TTLL11: variants seen among roughly 807,000 people sequenced by gnomAD.
The protein encoded by TTLL11 is tubulin tyrosine ligase like 11, also known as tubulin polyglutamylase TTLL11.
Under a neutral mutation model 51.7 loss-of-function variants are expected in TTLL11, and 42 were observed. The ratio of observed to expected loss-of-function variants is 0.81; its 90% CI spans 0.64 to 1.05. The LOEUF is 1.05. Among genes scored for constraint, TTLL11 ranks in the 50% least tolerant of loss-of-function variants. The pLI is 0.00. For missense variants in TTLL11, 799 were observed against 940.4 expected (o/e 0.85, Z 1.97); for synonymous variants, 381 against 383.5 (o/e 0.99, Z 0.08).
chr9:122,049,331 C>T (rs891242720), intron 1 of TTLL11, among the ~76,000 whole-genome samples: 1 of 152,154 alleles, frequency 6.6e-6, no homozygotes, highest in African/African-American at 2.4e-5. Flanking sequence ...ACTATTAACC[C>T]TATTTGCAAA....
In TTLL11 at chr9:122,092,887, G is replaced by T; in HGVS notation, c.262C>A (p.Leu88Met). 1.3e-6 allele frequency: 2 copies of T among 1,568,696 alleles called. No individual in the cohort carries two copies. Among genetic ancestry groups the T allele is most frequent in the African/African-American group, 1.4e-5 (1 of 73,886 alleles). The change falls in exon 1 of 9, where the codon CTG (leucine) becomes ATG (methionine). Residue 88 changes from leucine to methionine, a missense_variant. Leu to Met is a conservative substitution (Grantham distance 15, BLOSUM62 2). Transcript: ENST00000321582. ...TQVLQRPPPTLPPSKPKPVQG... is the reference protein window; with the variant it reads ...TQVLQRPPPTMPPSKPKPVQG... ...ACCGGCTTCGGCTTGGACGGGGGCA[G>T]CGTGGGCGGCGGCCGCTGAAGGACC...
At chr9:121,881,254 T>C (rs568590053) in intron 6 of TTLL11, among the ~76,000 whole-genome samples, 27 of 152,336 alleles carry the variant, frequency 1.8e-4, no homozygotes, top group Middle Eastern at 3.4e-3. Context: ...CACAGTTCTG[T>C]ACCAAAGTAT....
In TTLL11 at chr9:122,014,228, G is replaced by C. The variant is rs151318489; in HGVS notation, c.693+17495C>G. Among the ~76,000 whole-genome samples, 9 of 152,244 alleles carry C rather than the reference G, an allele frequency of 5.9e-5. No homozygotes were observed. In the East Asian group the frequency reaches 1.7e-3, roughly 29 times the overall value. On this transcript the variant is annotated intron_variant, in intron 3 of 8. Transcript: ENST00000321582. ...AAAAATACAAAAATTAGCTGGGCAT[G>C]GTGGCGCAGGCCTGTAATCTCAGCT...
intron 2 of TTLL11, 83 bp downstream of exon 2, chr9:122,039,189 A>G: frequency 8.5e-7 from 1 of 1,172,124 alleles, no homozygotes; most frequent in Non-Finnish European, 1.3e-6. Flanking sequence ...GATCTCAAAA[A>G]TAACTGTCAT....
intron 2 of TTLL11, among the ~76,000 whole-genome samples, chr9:122,036,794 A>G (rs1244639370): frequency 6.6e-6 from 1 of 152,200 alleles, no homozygotes; most frequent in East Asian, 1.9e-4. Flanking sequence ...ACAAACTGGT[A>G]TCAGAGGCCA....
Position 121,853,813 on chromosome 9 carries a change from G to A in TTLL11, c.1840+6524C>T, listed in dbSNP as rs62574488. 1.4e-4 allele frequency among the ~76,000 whole-genome samples: 21 copies of A among 152,324 alleles called. No homozygotes were observed. Among genetic ancestry groups the A allele is most frequent in the Non-Finnish European group, 1.8e-4 (12 of 68,028 alleles). ...CCAAGGGAGAGTCTGTTGCGGCCACGTCCTGACCCTCTCATCTGGCTGTGA... is the reference window on the plus strand; with the variant it reads ...CCAAGGGAGAGTCTGTTGCGGCCACATCCTGACCCTCTCATCTGGCTGTGA... On this transcript the variant is annotated intron_variant, in intron 8 of 8. Transcript: ENST00000321582. This position sits in a 1 kb window ranked among gnomAD's most constrained non-coding sequence, Gnocchi z 5.6.
chr9:121,833,700 C>T (rs1445202908), intron 8 of TTLL11, among the ~76,000 whole-genome samples: 4 of 152,166 alleles, frequency 2.6e-5, no homozygotes, highest in South Asian at 2.1e-4. Flanking sequence ...CAAGCCCACA[C>T]TCTTTTTTCT....
chr9:121,870,344 T>A (rs544856212), intron 7 of TTLL11, among the ~76,000 whole-genome samples, 153 bp downstream of exon 7: 2 of 152,106 alleles, frequency 1.3e-5, no homozygotes, highest in Non-Finnish European at 1.5e-5. Flanking sequence ...GATTCTACCA[T>A]GTGCCAGCCA....
At chr9:121,884,748 GAC>G (rs1231251222) in intron 6 of TTLL11, 1 of 152,186 alleles carries the variant, frequency 6.6e-6, no homozygotes. Flanking sequence ...TCTCAGCTAT[GAC>G]ACAGAGACAG....
At chr9:121,983,063 G>T (rs1360008297) in intron 4 of TTLL11, among the ~76,000 whole-genome samples, 1 of 152,230 alleles carries the variant, frequency 6.6e-6, no homozygotes, top group Non-Finnish European at 1.5e-5. Flanking sequence ...AGTGCGAGGT[G>T]ATGGCTGCCT....
At chr9:121,823,016 A>C in intron 8 of TTLL11, 137 bp from the exon 9 acceptor site, 1 of 1,044,778 alleles carries the variant, frequency 9.6e-7, no homozygotes, top group Non-Finnish European at 1.4e-6. Context: ...GAAACTCCTA[A>C]CAGGGCTAAC....
intron 6 of TTLL11, among the ~76,000 whole-genome samples, chr9:121,957,242 T>C (rs1398461740): frequency 6.6e-6 from 1 of 152,140 alleles, no homozygotes; most frequent in African/African-American, 2.4e-5. Context: ...GCCCAGGGAC[T>C]CTTCCAGAAA....
intron 3 of TTLL11, among the ~76,000 whole-genome samples, chr9:121,990,877 T>A (rs1475767592): frequency 6.6e-6 from 1 of 152,158 alleles, no homozygotes; most frequent in Non-Finnish European, 1.5e-5. Context: ...AGATAGTCGA[T>A]CTGGACCTGT....
At chr9:122,082,321 T>C (rs1004997435) in intron 1 of TTLL11, among the ~76,000 whole-genome samples, 6 of 151,994 alleles carry the variant, frequency 3.9e-5, no homozygotes, top group Non-Finnish European at 8.8e-5. Flanking sequence ...TTAGCCAACA[T>C]GGTGAAACCC....
chr9:122,033,554 C>G (rs1349671606), intron 2 of TTLL11, among the ~76,000 whole-genome samples: 3 of 152,168 alleles, frequency 2.0e-5, no homozygotes, highest in Admixed American at 6.5e-5. Context: ...ATACAAAGTT[C>G]CATGTCAGCT....
intron 1 of TTLL11, among the ~76,000 whole-genome samples, chr9:122,070,281 G>T (rs889692015): frequency 1.1e-4 from 16 of 152,110 alleles, no homozygotes; most frequent in African/African-American, 3.4e-4. Flanking sequence ...GTTATTCCAG[G>T]CCAAGAGCTC....
chr9:121,930,690 C>T (rs893741958), intron 6 of TTLL11, among the ~76,000 whole-genome samples: 18 of 152,206 alleles, frequency 1.2e-4, no homozygotes, highest in African/African-American at 4.1e-4. Context: ...TGGCTGCTGT[C>T]CCAGGTCTGC....
chr9:121,832,185 C>A (rs1269459491), intron 8 of TTLL11, among the ~76,000 whole-genome samples: 2 of 152,138 alleles, frequency 1.3e-5, no homozygotes, highest in South Asian at 2.1e-4. Flanking sequence ...GTGGGAGACA[C>A]AATTTGGTTC....
At chr9:121,847,352 A>G (rs1028506999) in intron 8 of TTLL11, among the ~76,000 whole-genome samples, 4 of 152,296 alleles carry the variant, frequency 2.6e-5, no homozygotes, top group South Asian at 4.1e-4. Flanking sequence ...AGCCCAGCTA[A>G]CCAAAAACAA....
Sources: allele counts gnomAD v4.1 joint callset (sites outside exome capture counted in the v4.1 genomes callset), GRCh38; gene constraint gnomAD v4.1.1; non-coding constraint Gnocchi (gnomAD v3.1); transcripts MANE v1.5; gene names NCBI Gene and HGNC (gene_info 2026-07-23, HGNC 2026-07-21).